Variants in ADORA2B observed in about 807,000 individuals in gnomAD.
ADORA2B encodes adenosine A2b receptor, also known as adenosine receptor A2b.
ADORA2B carries 18 observed loss-of-function variants against 20.8 expected under a neutral mutation model. That is an observed-to-expected ratio of 0.87 (90% CI 0.60 to 1.29). ADORA2B has a LOEUF of 1.29. Ranked by LOEUF, ADORA2B falls within the 50% of genes most tolerant of loss-of-function variation. The pLI is 0.00. For synonymous variants in ADORA2B, 179 were observed against 178.3 expected (o/e 1.00, Z -0.03); for missense variants, 441 against 422.7 (o/e 1.04, Z -0.38).
At chr17:15,914,248 G>A in the ADORA2B span, among the ~76,000 whole-genome samples, 1 of 152,188 alleles carries the variant, frequency 6.6e-6, no homozygotes, top group African/African-American at 2.4e-5. Context: ...CCATGCTGGA[G>A]TGTGGTGGCA....
At chr17:15,937,573 T>C in the ADORA2B span, among the ~76,000 whole-genome samples, 1 of 151,942 alleles carries the variant, frequency 6.6e-6, no homozygotes, top group African/African-American at 2.4e-5. Flanking sequence ...TTTTTTCCTT[T>C]TCTTTTCTTT....
At chr17:15,894,916 C>G in the ADORA2B span, among the ~76,000 whole-genome samples, 1,508 of 152,016 alleles carry the variant, frequency 9.9e-3, 22 homozygotes, top group African/African-American at 0.035. Context: ...CAGTAGGATA[C>G]TGGGGATAGT....
At chr17:15,876,112 T>C in the ADORA2B span, among the ~76,000 whole-genome samples, 4 of 152,346 alleles carry the variant, frequency 2.6e-5, no homozygotes, top group South Asian at 6.2e-4. Context: ...CTTTTTCTTT[T>C]TTTTTCCTCC....
Position 15,945,541 on chromosome 17 carries a change from C to T in ADORA2B, c.293C>T (p.Ala98Val), listed in dbSNP as rs759087654. The T allele has an allele frequency of 4.4e-6, 7 of 1,591,900 alleles. No individual in the cohort carries two copies. Among genetic ancestry groups the T allele is most frequent in the Admixed American group, 3.4e-5 (2 of 58,362 alleles). Residue 98 changes from alanine (A) to valine (V), a missense_variant, in exon 1 of 2, where the codon GCC becomes GTC. Coordinates refer to ENST00000304222, the MANE Select transcript of ADORA2B (RefSeq NM_000676.4). ...LTQSSIFSLL[A>V]VAVDRYLAIC... ...CAGAGCTCCATCTTCAGCCTTCTGG[C>T]CGTGGCAGTCGACAGATACCTGGCC...
At chr17:15,885,724 A>C in the ADORA2B span, among the ~76,000 whole-genome samples, 3 of 151,948 alleles carry the variant, frequency 2.0e-5, no homozygotes, top group Non-Finnish European at 4.4e-5. Context: ...AAAAAAAAAA[A>C]ACAAAAAAAA....
Position 15,945,381 on chromosome 17 carries a change from T to C in ADORA2B, c.133T>C (p.Phe45Leu). 1 of 1,613,016 alleles carries C rather than the reference T, an allele frequency of 6.2e-7. No individual in the cohort carries two copies. Among genetic ancestry groups the C allele is most frequent in the Non-Finnish European group, 8.5e-7 (1 of 1,179,910 alleles). ...ANTLQTPTNY[F>L]LVSLAAADVA... ...CACTCTGCAGACGCCCACCAACTACTTCCTGGTGTCCCTGGCTGCGGCCGA... is the reference window on the plus strand; with the variant it reads ...CACTCTGCAGACGCCCACCAACTACCTCCTGGTGTCCCTGGCTGCGGCCGA... Residue 45 changes from phenylalanine (F) to leucine (L), a missense_variant, in exon 1 of 2, where the codon TTC (phenylalanine) becomes CTC (leucine). Coordinates refer to ENST00000304222, the MANE Select transcript of ADORA2B (RefSeq NM_000676.4).
chr17:15,921,781 C>G, the ADORA2B span, among the ~76,000 whole-genome samples: 1 of 152,094 alleles, frequency 6.6e-6, no homozygotes, highest in African/African-American at 2.4e-5. Context: ...ATTAGGGATC[C>G]AGGCACCTTT....
the ADORA2B span, among the ~76,000 whole-genome samples, chr17:15,931,328 C>G: frequency 6.6e-6 from 1 of 152,324 alleles, no homozygotes; most frequent in African/African-American, 2.4e-5. Flanking sequence ...TCATCTTACT[C>G]CAGAAGGCTG....
chr17:15,941,890 G>A (rs138808964), upstream of ADORA2B, among the ~76,000 whole-genome samples: 58 of 152,042 alleles, frequency 3.8e-4, no homozygotes, highest in African/African-American at 1.2e-3. Flanking sequence ...AAATCCTAGC[G>A]TGGATCAGGG....
At chr17:15,897,002 C>T in the ADORA2B span, among the ~76,000 whole-genome samples, 2 of 152,150 alleles carry the variant, frequency 1.3e-5, no homozygotes, top group African/African-American at 4.8e-5. Context: ...GTTGGTCTAT[C>T]TAATACTGTC....
At chr17:15,855,236 T>G in the ADORA2B span, among the ~76,000 whole-genome samples, 7 of 152,230 alleles carry the variant, frequency 4.6e-5, no homozygotes, top group East Asian at 1.9e-4. Flanking sequence ...CGACCAGATT[T>G]AACTCATTTA....
the ADORA2B span, among the ~76,000 whole-genome samples, chr17:15,936,667 G>T: frequency 2.0e-5 from 3 of 152,066 alleles, no homozygotes; most frequent in Admixed American, 1.3e-4. Flanking sequence ...TAAAATCTTT[G>T]TCTAGGCCTC....
the ADORA2B span, among the ~76,000 whole-genome samples, chr17:15,889,343 C>T: frequency 7.7e-6 from 1 of 129,644 alleles, no homozygotes; most frequent in South Asian, 2.3e-4. Flanking sequence ...TTTTTGGATA[C>T]TAAATCTATT....
chr17:15,923,206 A>ATTTTTTTTTTTTTTT, the ADORA2B span, among the ~76,000 whole-genome samples: 39 of 113,516 alleles, frequency 3.4e-4, no homozygotes, highest in African/African-American at 7.2e-4. Context: ...TCTTTTTTTA[A>ATTTTTTTTTTTTTTT]TTTTTTTTTT....
At chr17:15,926,966 G>A in the ADORA2B span, among the ~76,000 whole-genome samples, 646 of 152,202 alleles carry the variant, frequency 4.2e-3, 6 homozygotes, top group African/African-American at 0.015. Flanking sequence ...GCAAGACCCT[G>A]TCTCAAAAAA....
At chr17:15,923,298 C>T in the ADORA2B span, among the ~76,000 whole-genome samples, 1 of 150,026 alleles carries the variant, frequency 6.7e-6, no homozygotes, top group African/African-American at 2.4e-5. Context: ...GATCCACCCA[C>T]CTCAGCCTCC....
chr17:15,905,289 G>GA, the ADORA2B span, among the ~76,000 whole-genome samples: 1 of 150,956 alleles, frequency 6.6e-6, no homozygotes, highest in African/African-American at 2.4e-5. Flanking sequence ...GTTGTTGGGG[G>GA]GGGGTTGCGA....
the ADORA2B span, among the ~76,000 whole-genome samples, chr17:15,915,534 T>C: frequency 1.3e-5 from 2 of 152,166 alleles, no homozygotes; most frequent in Non-Finnish European, 2.9e-5. Flanking sequence ...TTTCTAGTTA[T>C]AGTTACCAAG....
chr17:15,964,875 C>T (rs575952349), intron 1 of ADORA2B, among the ~76,000 whole-genome samples: 46 of 152,046 alleles, frequency 3.0e-4, no homozygotes, highest in Admixed American at 5.9e-4. Context: ...TCCTGGCTAA[C>T]ACGGTGAAAC....
Sources: allele counts gnomAD v4.1 joint callset (sites outside exome capture counted in the v4.1 genomes callset), GRCh38; gene constraint gnomAD v4.1.1; transcripts MANE v1.5; gene names NCBI Gene and HGNC (gene_info 2026-07-23, HGNC 2026-07-21).